PDSS2: variants seen among roughly 807,000 people sequenced by gnomAD.
PDSS2 encodes decaprenyl diphosphate synthase subunit 2, also known as all trans-polyprenyl-diphosphate synthase PDSS2.
PDSS2 carries 31 observed loss-of-function variants against 44.5 expected under a neutral mutation model. The ratio of observed to expected loss-of-function variants is 0.70; its 90% confidence interval spans 0.52 to 0.94. PDSS2 has a LOEUF of 0.94. PDSS2 is among the 40% of genes least tolerant of loss of function. The pLI, the probability that PDSS2 is intolerant of heterozygous loss-of-function variation, is 0.00. For missense variants in PDSS2, 452 were observed against 482.2 expected (o/e 0.94, Z 0.59); for synonymous variants, 157 against 180.3 (o/e 0.87, Z 1.03).
intron 7 of PDSS2, among the ~76,000 whole-genome samples, chr6:107,187,661 T>C (rs1208747415): frequency 3.4e-5 from 5 of 146,830 alleles, no homozygotes; most frequent in South Asian, 4.3e-4. Context: ...TGAAACTCCA[T>C]CTCAAAAAAA....
chr6:107,398,688 T>G (rs866990624), intron 1 of PDSS2, among the ~76,000 whole-genome samples: 22 of 152,310 alleles, frequency 1.4e-4, no homozygotes, highest in African/African-American at 5.1e-4. Context: ...GAAAAATAAG[T>G]CTGCGAATTT....
At position 107,458,639 on chromosome 6, in the gene PDSS2, T is replaced by C. The variant is rs374329004; in HGVS notation, c.296+351A>G. ...TGAACAGTGCGGGACAGAAAATTAA[T>C]CTATCCCATTAAAAAAAAAAAAAAT... On this transcript the variant is annotated intron_variant, in intron 1 of 7. Transcript: ENST00000369037. Among the ~76,000 whole-genome samples the C allele has an allele frequency of 3.0e-3, 454 of 150,368 alleles. 3 individuals are homozygous for C. Among genetic ancestry groups the C allele is most frequent in the African/African-American group, 0.01 (419 of 40,918 alleles).
intron 1 of PDSS2, among the ~76,000 whole-genome samples, chr6:107,361,499 C>A (rs1778770787): frequency 6.6e-6 from 1 of 152,154 alleles, no homozygotes; most frequent in South Asian, 2.1e-4. Flanking sequence ...TTGACATTTT[C>A]TACTTGACCC....
At chr6:107,407,995 G>A (rs1020156113) in intron 1 of PDSS2, among the ~76,000 whole-genome samples, 1 of 151,850 alleles carries the variant, frequency 6.6e-6, no homozygotes, top group African/African-American at 2.4e-5. Flanking sequence ...CACCACACCC[G>A]GCCAGTCTTT....
At chr6:107,156,489 T>C (rs1358866679) in intron 7 of PDSS2, among the ~76,000 whole-genome samples, 3 of 152,186 alleles carry the variant, frequency 2.0e-5, no homozygotes, top group Non-Finnish European at 4.4e-5. Flanking sequence ...CCACCATGCC[T>C]GGCCAGTCTG....
At chr6:107,409,949 T>C (rs1473352885) in intron 1 of PDSS2, among the ~76,000 whole-genome samples, 1 of 152,088 alleles carries the variant, frequency 6.6e-6, no homozygotes, top group Non-Finnish European at 1.5e-5. Context: ...TAACATTCTA[T>C]ACAGATCAAA....
intron 1 of PDSS2, among the ~76,000 whole-genome samples, chr6:107,413,407 A>C (rs9486612): frequency 0.14 from 20,727 of 152,184 alleles, 1,578 homozygotes; most frequent in East Asian, 0.25. Flanking sequence ...ATTGTGGTAC[A>C]TGCCTGTAGT....
At chr6:107,293,313 AT>A (rs1377775992) in intron 2 of PDSS2, among the ~76,000 whole-genome samples, 12 of 152,068 alleles carry the variant, frequency 7.9e-5, no homozygotes, top group African/African-American at 2.9e-4. Flanking sequence ...CGACTGTCCT[AT>A]TTCTTTCTTT....
At chr6:107,307,227 T>A (rs926022794) in intron 2 of PDSS2, among the ~76,000 whole-genome samples, 3 of 152,210 alleles carry the variant, frequency 2.0e-5, no homozygotes, top group African/African-American at 4.8e-5. Context: ...ATGTGCTTGG[T>A]GATGCCTTTA....
At chr6:107,390,804 A>G (rs1390218891) in intron 1 of PDSS2, among the ~76,000 whole-genome samples, 2 of 152,152 alleles carry the variant, frequency 1.3e-5, no homozygotes, top group East Asian at 3.8e-4. Flanking sequence ...GATATAAGCC[A>G]GAATCATCCT....
rs757971308 is a variant in PDSS2 at position 107,226,875 on chromosome 6, G to A, written c.703-14593C>T. 7.8e-4 allele frequency among the ~76,000 whole-genome samples: 119 copies of A among 151,812 alleles called. 1 individual carries two copies. The highest frequency in any genetic ancestry group is 4.3e-4 in the Non-Finnish European group (29 of 67,980). On this transcript the variant is annotated intron_variant, in intron 4 of 7. Transcript: ENST00000369037. Reference sequence around the variant, plus strand: ...TTTAGTAGAGAAGTGGTTTCACCATGTTGGTCAGGCTGGTCTTGAGCTCCT... The same window carrying A: ...TTTAGTAGAGAAGTGGTTTCACCATATTGGTCAGGCTGGTCTTGAGCTCCT...
At position 107,152,798 on chromosome 6, in the gene PDSS2, A is replaced by G. The variant is rs3763211; in HGVS notation, c.*1821T>C. On this transcript the variant is annotated 3_prime_UTR_variant, in exon 8 of 8. Coordinates refer to ENST00000369037, the MANE Select transcript of PDSS2 (RefSeq NM_020381.4). ...CTACTGCTTGCTGAAGTTCCTGCAC[A>G]TCCAACCAGCACACCTAACGCAAAG... 3.3e-5 allele frequency: 5 copies of G among 152,220 alleles called. No homozygotes were observed. The East Asian group carries it at 9.6e-4, about 29-fold the overall frequency. 9.4% of individuals were successfully genotyped at this position (152,220 alleles called of 1,614,324 possible).
chr6:107,196,766 G>A (rs1472907822), intron 6 of PDSS2, among the ~76,000 whole-genome samples: 1 of 152,236 alleles, frequency 6.6e-6, no homozygotes, highest in African/African-American at 2.4e-5. Flanking sequence ...GGATTAGAAG[G>A]TTAGGGCTTT....
chr6:107,218,646 A>T (rs891546822), intron 4 of PDSS2, among the ~76,000 whole-genome samples: 5 of 152,108 alleles, frequency 3.3e-5, no homozygotes, highest in Admixed American at 1.3e-4. Context: ...CATCTAATAT[A>T]GTATCTTAGG....
intron 1 of PDSS2, among the ~76,000 whole-genome samples, chr6:107,398,637 G>T (rs1191630722): frequency 1.3e-5 from 2 of 152,172 alleles, no homozygotes; most frequent in African/African-American, 4.8e-5. Context: ...CTGGCCCTCA[G>T]CCTCCCATAC....
intron 1 of PDSS2, among the ~76,000 whole-genome samples, chr6:107,362,287 C>A (rs995631983): frequency 2.6e-5 from 4 of 152,064 alleles, no homozygotes; most frequent in Non-Finnish European, 4.4e-5. Context: ...CCCAGAGCAG[C>A]CTGAAGTTTG....
intron 1 of PDSS2, among the ~76,000 whole-genome samples, chr6:107,339,619 G>T (rs140532741): frequency 1.6e-4 from 24 of 152,280 alleles, no homozygotes; most frequent in African/African-American, 5.5e-4. Flanking sequence ...AGAGTGCCAT[G>T]AGAGCTTGGA....
chr6:107,330,809 T>C (rs1777688519), intron 2 of PDSS2, among the ~76,000 whole-genome samples: 11 of 152,210 alleles, frequency 7.2e-5, no homozygotes, highest in Admixed American at 7.2e-4. Flanking sequence ...CAAAAGGCTA[T>C]GGCGAATGTT....
At chr6:107,440,634 C>T (rs1040135131) in intron 1 of PDSS2, among the ~76,000 whole-genome samples, 2 of 152,174 alleles carry the variant, frequency 1.3e-5, no homozygotes, top group Non-Finnish European at 2.9e-5. Flanking sequence ...AAGAATGCTT[C>T]CACCAGGAGA....
Sources: gnomAD v4.1 joint callset for allele counts (sites outside exome capture counted in the v4.1 genomes callset) on GRCh38, gnomAD v4.1.1 for gene constraint, MANE v1.5 for transcripts, NCBI Gene and HGNC (gene_info 2026-07-23, HGNC 2026-07-21) for gene names.